HNF4G: variants seen among roughly 807,000 people sequenced by gnomAD.
HNF4G encodes hepatocyte nuclear factor 4-gamma.
A neutral mutation model predicts 50.9 loss-of-function variants in HNF4G; 21 were observed. That is an observed-to-expected ratio of 0.41 (90% CI 0.29 to 0.59). The LOEUF (loss-of-function observed/expected upper bound fraction) is 0.59, where lower values mean the gene tolerates loss of function less well. Among genes scored for constraint, HNF4G ranks in the 20% least tolerant of loss-of-function variants. The probability of loss-of-function intolerance (pLI) is 0.26; values close to 1 mark genes in which losing one functional copy is unlikely to be tolerated. For missense variants in HNF4G, 527 were observed against 559.4 expected (o/e 0.94, Z 0.58); for synonymous variants, 198 against 185.6 (o/e 1.07, Z -0.54).
At chr8:75,430,793 A>G (rs1424416991) in intron 1 of HNF4G, among the ~76,000 whole-genome samples, 1 of 152,220 alleles carries the variant, frequency 6.6e-6, no homozygotes, top group Non-Finnish European at 1.5e-5. Flanking sequence ...TAAAATTTCA[A>G]AGGATATGAG....
At chr8:75,520,262 AT>A (rs1332392790) in intron 2 of HNF4G, among the ~76,000 whole-genome samples, 1 of 152,140 alleles carries the variant, frequency 6.6e-6, no homozygotes, top group Non-Finnish European at 1.5e-5. Context: ...AGTGTCTTGA[AT>A]ATAGAAAGAG....
intron 2 of HNF4G, among the ~76,000 whole-genome samples, chr8:75,512,591 A>G (rs1367540699): frequency 6.6e-6 from 1 of 151,828 alleles, no homozygotes; most frequent in Non-Finnish European, 1.5e-5. Flanking sequence ...CGGCCTCTGG[A>G]GTAGCTGGGA....
At chr8:75,519,648 A>G (rs1404449014) in intron 2 of HNF4G, among the ~76,000 whole-genome samples, 1 of 152,136 alleles carries the variant, frequency 6.6e-6, no homozygotes, top group African/African-American at 2.4e-5. Context: ...CTATGATTCA[A>G]TTGCCTCCCA....
At chr8:75,552,894 A>T in intron 4 of HNF4G, 148 bp from the exon 5 acceptor site, 1 of 531,124 alleles carries the variant, frequency 1.9e-6, no homozygotes, top group Non-Finnish European at 3.3e-6. Flanking sequence ...TTCATTTTTC[A>T]ATTTAAAATG....
chr8:75,488,125 T>A (rs1287424660), intron 1 of HNF4G, among the ~76,000 whole-genome samples: 1 of 152,190 alleles, frequency 6.6e-6, no homozygotes, highest in African/African-American at 2.4e-5. Context: ...AGACAAACCA[T>A]ATCACTCCTT....
At chr8:75,441,922 A>G (rs866065517) in intron 1 of HNF4G, among the ~76,000 whole-genome samples, 1 of 152,220 alleles carries the variant, frequency 6.6e-6, no homozygotes. Flanking sequence ...TTTATAGTAG[A>G]ATGGATAAAT....
intron 1 of HNF4G, among the ~76,000 whole-genome samples, chr8:75,483,486 C>G (rs931215446): frequency 2.0e-5 from 3 of 152,164 alleles, no homozygotes; most frequent in African/African-American, 7.2e-5. Flanking sequence ...CTCGGCCCCT[C>G]CCTGCACTCA....
At chr8:75,511,816 G>T (rs2130727116) in intron 2 of HNF4G, among the ~76,000 whole-genome samples, 1 of 152,220 alleles carries the variant, frequency 6.6e-6, no homozygotes, top group South Asian at 2.1e-4. Flanking sequence ...CTGACCTCGT[G>T]ATCCACCCGC....
chr8:75,524,534 T>G (rs1806131357), intron 2 of HNF4G, among the ~76,000 whole-genome samples: 1 of 152,186 alleles, frequency 6.6e-6, no homozygotes, highest in Admixed American at 6.5e-5. Context: ...ATTTTTATTA[T>G]AGTAGCCATT....
intron 2 of HNF4G, among the ~76,000 whole-genome samples, chr8:75,524,266 AT>A (rs1169992108): frequency 6.6e-6 from 1 of 152,182 alleles, no homozygotes; most frequent in African/African-American, 2.4e-5. Context: ...AGATATATGA[AT>A]AACTACGCAA....
At chr8:75,448,500 AAAC>A (rs1181248771) in intron 1 of HNF4G, among the ~76,000 whole-genome samples, 2 of 150,412 alleles carry the variant, frequency 1.3e-5, no homozygotes, top group Non-Finnish European at 3.0e-5. Context: ...AAAAAAAAAA[AAAC>A]AAATACCTTA....
intron 2 of HNF4G, among the ~76,000 whole-genome samples, chr8:75,528,252 A>AT (rs1189921841): frequency 2.0e-5 from 3 of 152,150 alleles, no homozygotes; most frequent in Non-Finnish European, 4.4e-5. Flanking sequence ...CTCCTAGAAG[A>AT]TTTTTTAAGC....
chr8:75,558,630 T>TTTG lies in HNF4G; in HGVS notation c.846_847insTTG (p.Asn282_Glu283insLeu). ...TTCAAGAAATCCAGATTGATGACAATGAGTATGCTTGTTTAAAGGCAATTG... is the reference window on the plus strand; with the variant it reads ...TTCAAGAAATCCAGATTGATGACAATTTGGAGTATGCTTGTTTAAAGGCAATTG... On this transcript the variant is annotated inframe_insertion, in exon 7 of 10. Transcript: ENST00000396423. 6.2e-7 allele frequency: 1 copy of TTTG among 1,613,908 alleles called. No individual in the cohort carries two copies.
Position 75,459,373 on chromosome 8 carries a change from T to G in HNF4G, c.-143-30716T>G, listed in dbSNP as rs73688890. Among the ~76,000 whole-genome samples, 770 of 152,314 alleles carry G rather than the reference T, an allele frequency of 5.1e-3. 13 individuals are homozygous for G. Among genetic ancestry groups the G allele is most frequent in the African/African-American group, 0.018 (744 of 41,572 alleles). The stretch of plus-strand genomic sequence containing the variant: ...ATGTACATGCAGAATTTTAAACTTG[T>G]GCCTAAATTCTTCTCATTATGTAGC... On this transcript the variant is annotated intron_variant, in intron 1 of 10. Transcript: ENST00000354370.
intron 1 of HNF4G, among the ~76,000 whole-genome samples, chr8:75,482,838 C>T (rs1005495507): frequency 6.6e-6 from 1 of 152,172 alleles, no homozygotes; most frequent in African/African-American, 2.4e-5. Context: ...AAATTTGACA[C>T]AGTCATATCT....
At chr8:75,433,608 G>A (rs72658090) in intron 1 of HNF4G, among the ~76,000 whole-genome samples, 17,857 of 151,792 alleles carry the variant, frequency 0.12, 1,149 homozygotes, top group Middle Eastern at 0.18. Flanking sequence ...TGTGTTGCAC[G>A]GGCTGGTCTC....
At chr8:75,463,216 T>C (rs1172308026) in intron 1 of HNF4G, among the ~76,000 whole-genome samples, 2 of 152,120 alleles carry the variant, frequency 1.3e-5, no homozygotes, top group Non-Finnish European at 2.9e-5. Context: ...GTACAACTAG[T>C]ATTTTTTATG....
intron 1 of HNF4G, among the ~76,000 whole-genome samples, chr8:75,442,603 A>T (rs1358871304): frequency 6.6e-6 from 1 of 152,014 alleles, no homozygotes; most frequent in Non-Finnish European, 1.5e-5. Context: ...ATAATAAAAT[A>T]TGTTAAAAAT....
intron 2 of HNF4G, among the ~76,000 whole-genome samples, chr8:75,494,617 T>C (rs1402375820): frequency 1.3e-5 from 2 of 152,104 alleles, no homozygotes; most frequent in African/African-American, 2.4e-5. Flanking sequence ...AGGACCAGTA[T>C]TGTGGTTTAT....
Sources: gnomAD v4.1 joint callset for allele counts (sites outside exome capture counted in the v4.1 genomes callset) on GRCh38, gnomAD v4.1.1 for gene constraint, MANE v1.5 for transcripts, NCBI Gene and HGNC (gene_info 2026-07-23, HGNC 2026-07-21) for gene names.